The following MYO10 variants were observed in gnomAD, a reference collection of about 807,000 sequenced individuals.
MYO10 encodes the protein myosin X.
In MYO10, 133 loss-of-function variants were observed where a neutral mutation model predicts 257.3. That is an observed-to-expected ratio of 0.52 (90% CI 0.45 to 0.60). The LOEUF (loss-of-function observed/expected upper bound fraction) is 0.60, where lower values mean the gene tolerates loss of function less well. Among genes scored for constraint, MYO10 ranks in the 20% least tolerant of loss-of-function variants. The probability of loss-of-function intolerance (pLI) is 0.00; values close to 1 mark genes in which losing one functional copy is unlikely to be tolerated. For missense variants in MYO10, 2,399 were observed against 2,635.7 expected, an observed-to-expected ratio of 0.91 and a Z score of 1.97; for synonymous variants, 1,104 against 1,028.6, an observed-to-expected ratio of 1.07 and a Z score of -1.40.
intron 4 of MYO10, among the ~76,000 whole-genome samples, chr5:16,788,112 C>T (rs905302527): frequency 2.0e-5 from 3 of 152,002 alleles, no homozygotes; most frequent in South Asian, 2.1e-4. Flanking sequence ...CTGACTGTTG[C>T]GTGGAGAATG....
rs533244480 is a variant in MYO10, at chr5:16,779,368, AACTTGGAACAAGTTCATG to A, written c.930+159_930+176del. Reference sequence around the variant, plus strand: ...AGTCCTCAAACCCCTTTCAGCCTAGAACTTGGAACAAGTTCATGACTTGGAACAAGAAGGAAATACCTG... The same window carrying A: ...AGTCCTCAAACCCCTTTCAGCCTAGAACTTGGAACAAGAAGGAAATACCTG... On this transcript the variant is annotated intron_variant, in intron 9 of 40. Coordinates refer to ENST00000513610, the MANE Select transcript of MYO10 (RefSeq NM_012334.3). Among the ~76,000 whole-genome samples, 138 of 152,184 alleles carry A rather than the reference AACTTGGAACAAGTTCATG, an allele frequency of 9.1e-4. 4 individuals carry two copies. The South Asian group carries it at 0.024, about 26-fold the overall frequency.
At chr5:16,722,227 A>G (rs1442078589) in intron 19 of MYO10, among the ~76,000 whole-genome samples, 1 of 152,194 alleles carries the variant, frequency 6.6e-6, no homozygotes, top group African/African-American at 2.4e-5. Context: ...TACTTGCATG[A>G]GGATGTGACC....
rs1202379951 is a variant in MYO10, at chr5:16,663,971, A to G, written c.*2721T>C. On this transcript the variant is annotated 3_prime_UTR_variant, in exon 41 of 41. Transcript: ENST00000513610. ...CACTTCACTGACCTTGTTGAAAGCAACTGACATCACACACACCAATGAGTG... is the reference window on the plus strand; with the variant it reads ...CACTTCACTGACCTTGTTGAAAGCAGCTGACATCACACACACCAATGAGTG... 6.6e-6 allele frequency: 1 copy of G among 152,002 alleles called. No homozygotes were observed. The highest frequency in any genetic ancestry group is 1.5e-5 in the Non-Finnish European group (1 of 68,010). 9.4% of individuals were successfully genotyped at this position (152,002 alleles called of 1,614,324 possible).
In MYO10 at chr5:16,700,998, C is replaced by G. The variant is rs780329757; in HGVS notation, c.3397G>C (p.Ala1133Pro). The change falls in exon 25 of 41, where the codon GCC becomes CCC. Residue 1133 changes from alanine to proline, a missense_variant. By Grantham distance (27) the Ala-to-Pro change is conservative. This residue lies in a region of MYO10 where 1,820 missense variants were observed against 1,939.4 expected (regional missense o/e 0.94). Coordinates refer to ENST00000513610, the MANE Select transcript of MYO10 (RefSeq NM_012334.3). ...GCCCCCTCAGAGCTGAACCGGTAGG[C>G]ACCCGAGCTGTTGTAGGTCCCCACA... ...CSVGTYNSSGAYRFSSEGAQS... is the reference protein window; with the variant it reads ...CSVGTYNSSGPYRFSSEGAQS... 3.8e-6 allele frequency: 6 copies of G among 1,559,692 alleles called. No individual in the cohort carries two copies. The highest frequency in any genetic ancestry group is 1.7e-4 in the Middle Eastern group (1 of 6,018).
At chr5:16,702,092 A>T (rs917995142) in intron 24 of MYO10, among the ~76,000 whole-genome samples, 1 of 152,184 alleles carries the variant, frequency 6.6e-6, no homozygotes, top group Non-Finnish European at 1.5e-5. Context: ...TCCTTTTGGG[A>T]ACAGGAGACT....
chr5:16,900,744 G>GTTTTTTTTTTTT (rs374195788), intron 1 of MYO10, among the ~76,000 whole-genome samples: 1 of 132,752 alleles, frequency 7.5e-6, no homozygotes, highest in Non-Finnish European at 1.6e-5. Flanking sequence ...CCTAAATCTT[G>GTTTTTTTTTTTT]TTTTTTTTTT....
chr5:16,794,922 G>T, intron 3 of MYO10, 89 bp from the exon 4 acceptor site: 2 of 1,029,530 alleles, frequency 1.9e-6, no homozygotes. Flanking sequence ...GTGCGCCAGG[G>T]GGAAAGACGT....
chr5:16,731,476 T>G (rs1055861759), intron 19 of MYO10, among the ~76,000 whole-genome samples: 2 of 151,962 alleles, frequency 1.3e-5, no homozygotes, highest in Non-Finnish European at 2.9e-5. Context: ...CCTGAGTGAG[T>G]AGTTAGGACT....
At chr5:16,708,760 A>G (rs1294812912) in intron 21 of MYO10, among the ~76,000 whole-genome samples, 2 of 152,038 alleles carry the variant, frequency 1.3e-5, no homozygotes, top group African/African-American at 4.8e-5. Flanking sequence ...AAAAGGTCTC[A>G]CTATGTTTTC....
chr5:16,857,492 G>A (rs1743992592), intron 2 of MYO10, among the ~76,000 whole-genome samples: 1 of 152,208 alleles, frequency 6.6e-6, no homozygotes, highest in Non-Finnish European at 1.5e-5. Flanking sequence ...CATTTTCAAA[G>A]TATGGCTTCT....
At chr5:16,739,015 G>C (rs1739915715) in intron 19 of MYO10, among the ~76,000 whole-genome samples, 1 of 149,776 alleles carries the variant, frequency 6.7e-6, no homozygotes, top group African/African-American at 2.5e-5. Context: ...CAGAAACCAA[G>C]AAGTGTTATT....
intron 19 of MYO10, among the ~76,000 whole-genome samples, chr5:16,722,009 G>T (rs1739171233): frequency 6.6e-6 from 1 of 152,106 alleles, no homozygotes; most frequent in Non-Finnish European, 1.5e-5. Context: ...TCCAACCATA[G>T]ATCATTCTAC....
intron 30 of MYO10, among the ~76,000 whole-genome samples, chr5:16,683,359 G>A (rs528867614): frequency 2.6e-4 from 39 of 152,240 alleles, no homozygotes; most frequent in African/African-American, 8.9e-4. Flanking sequence ...ACAAAGACGC[G>A]TAAGATCATC....
chr5:16,782,127 G>A (rs1379511454), intron 5 of MYO10, among the ~76,000 whole-genome samples: 2 of 152,080 alleles, frequency 1.3e-5, no homozygotes, highest in Admixed American at 6.6e-5. Flanking sequence ...CACAATCCAG[G>A]GACTGCACAG....
intron 19 of MYO10, among the ~76,000 whole-genome samples, chr5:16,735,345 T>C (rs1739748157): frequency 6.6e-6 from 1 of 151,932 alleles, no homozygotes. Context: ...TAGGGCAGAG[T>C]CTAAATGCTG....
chr5:16,913,922 C>T (rs953870186), intron 1 of MYO10, among the ~76,000 whole-genome samples: 1 of 152,066 alleles, frequency 6.6e-6, no homozygotes, highest in East Asian at 1.9e-4. Flanking sequence ...GGAGGAATGA[C>T]CTGGATCACG....
chr5:16,929,233 A>G (rs928868984), intron 1 of MYO10, among the ~76,000 whole-genome samples: 5 of 152,120 alleles, frequency 3.3e-5, no homozygotes, highest in South Asian at 2.1e-4. Flanking sequence ...GATTACAGGC[A>G]TGAGCCACTG....
intron 31 of MYO10, 24 bp downstream of exon 31, chr5:16,681,847 C>G: frequency 6.2e-7 from 1 of 1,610,712 alleles, no homozygotes; most frequent in Non-Finnish European, 8.5e-7. Flanking sequence ...TTAAGCAGAC[C>G]GAGGAAGCAG....
intron 4 of MYO10, among the ~76,000 whole-genome samples, chr5:16,788,438 C>T (rs189636665): frequency 1.1e-4 from 16 of 152,158 alleles, no homozygotes; most frequent in African/African-American, 2.9e-4. Context: ...AATTTGGTGG[C>T]GGCGGGGAAG....
Sources: allele counts gnomAD v4.1 joint callset (sites outside exome capture counted in the v4.1 genomes callset), GRCh38; gene constraint gnomAD v4.1.1; regional missense constraint gnomAD v4.1.1; transcripts MANE v1.5; gene names NCBI Gene and HGNC (gene_info 2026-07-23, HGNC 2026-07-21).